The following GDAP1 variants were observed in gnomAD, a reference collection of about 807,000 sequenced individuals.
The protein encoded by GDAP1 is ganglioside induced differentiation associated protein 1, also known as ganglioside-induced differentiation-associated protein 1.
A neutral mutation model predicts 40.1 loss-of-function variants in GDAP1; 34 were observed. The ratio of observed to expected loss-of-function variants is 0.85; its 90% CI spans 0.64 to 1.13. The LOEUF (loss-of-function observed/expected upper bound fraction) is 1.13, where lower values mean the gene tolerates loss of function less well. Among genes scored for constraint, GDAP1 ranks in the 50% most tolerant of loss-of-function variants. GDAP1 has a pLI of 0.00. For synonymous variants in GDAP1, 170 were observed against 157.4 expected (o/e 1.08, Z -0.60); for missense variants, 374 against 433.7 (o/e 0.86, Z 1.22).
At chr8:74,395,880 A>G (rs938328017) in intron 2 of GDAP1, among the ~76,000 whole-genome samples, 22 of 152,342 alleles carry the variant, frequency 1.4e-4, no homozygotes, top group Non-Finnish European at 2.6e-4. Context: ...AATGGGTTAA[A>G]AGAACTAAAA....
chr8:74,351,544 T>C, intron 2 of GDAP1, 78 bp downstream of exon 2: 2 of 1,039,704 alleles, frequency 1.9e-6, no homozygotes, highest in South Asian at 1.3e-5. Flanking sequence ...TTTCTCTCTC[T>C]CCTCTCTCTC....
intron 2 of GDAP1, among the ~76,000 whole-genome samples, chr8:74,355,393 A>G (rs1333495100): frequency 1.3e-5 from 2 of 152,258 alleles, no homozygotes; most frequent in African/African-American, 4.8e-5. Context: ...ATTTCTTTCT[A>G]TAAGTTTGCT....
chr8:74,457,874 C>G (rs1806355195), intron 2 of GDAP1, among the ~76,000 whole-genome samples: 1 of 152,080 alleles, frequency 6.6e-6, no homozygotes. Context: ...TTAGTCTCTT[C>G]ATATTTATTT....
chr8:74,469,425 T>C (rs1806515359), intron 2 of GDAP1, among the ~76,000 whole-genome samples: 1 of 152,142 alleles, frequency 6.6e-6, no homozygotes, highest in South Asian at 2.1e-4. Context: ...TCCCAGCACT[T>C]TGGGAGGCCG....
In GDAP1 at chr8:74,460,676, TA is replaced by T. The variant is rs2131579767; in HGVS notation, c.166-28000del. ...AAGTTCCTGCAGGGGCCTGAGGAGT[TA>T]ATCCAGGAAGAAATGAGCTATGGAA... On this transcript the variant is annotated intron_variant, in intron 2 of 2. Transcript: ENST00000523640. Among the ~76,000 whole-genome samples the T allele has an allele frequency of 1.3e-5, 2 of 152,266 alleles. 1 individual carries two copies. The highest frequency in any genetic ancestry group is 4.1e-4 in the South Asian group (2 of 4,828).
chr8:74,400,328 CT>C (rs1554551896), intron 2 of GDAP1, among the ~76,000 whole-genome samples: 13 of 149,766 alleles, frequency 8.7e-5, no homozygotes, highest in South Asian at 2.1e-4. Context: ...CTCTTTCGAT[CT>C]TTGTTGGATT....
chr8:74,386,806 C>T (rs987447831), intron 2 of GDAP1, among the ~76,000 whole-genome samples: 7 of 152,300 alleles, frequency 4.6e-5, no homozygotes, highest in South Asian at 2.1e-4. Context: ...ATTGATTCTT[C>T]GTATCCATGA....
chr8:74,393,840 A>G (rs142497327), intron 2 of GDAP1, among the ~76,000 whole-genome samples: 11 of 152,106 alleles, frequency 7.2e-5, no homozygotes, highest in Non-Finnish European at 1.3e-4. Context: ...TTAAGAGCTA[A>G]ATAACTCTAG....
chr8:74,375,216 A>G (rs566181286), intron 2 of GDAP1, among the ~76,000 whole-genome samples: 1 of 152,250 alleles, frequency 6.6e-6, no homozygotes, highest in South Asian at 2.1e-4. Context: ...AATCCGAGCT[A>G]CTTGGGAAAC....
At chr8:74,383,859 A>G (rs1221689933) in intron 2 of GDAP1, among the ~76,000 whole-genome samples, 1 of 152,102 alleles carries the variant, frequency 6.6e-6, no homozygotes, top group Non-Finnish European at 1.5e-5. Flanking sequence ...ACATACACTC[A>G]CAAATATAAC....
chr8:74,457,484 A>C (rs1186158668), intron 2 of GDAP1, among the ~76,000 whole-genome samples: 1 of 152,050 alleles, frequency 6.6e-6, no homozygotes, highest in Non-Finnish European at 1.5e-5. Flanking sequence ...TTCCCTTTAA[A>C]ATTATTTCCT....
At chr8:74,400,439 T>C (rs1324657197) in intron 2 of GDAP1, among the ~76,000 whole-genome samples, 1 of 149,804 alleles carries the variant, frequency 6.7e-6, no homozygotes, top group Non-Finnish European at 1.5e-5. Flanking sequence ...TTTGAGTCTA[T>C]GTGTGTCTCT....
intron 2 of GDAP1, among the ~76,000 whole-genome samples, chr8:74,439,665 A>G (rs1030722473): frequency 2.7e-5 from 4 of 150,518 alleles, no homozygotes; most frequent in Admixed American, 6.6e-5. Context: ...ATTTTTTGCT[A>G]TCTTATATTT....
At chr8:74,439,150 ATCTT>A (rs1157288615) in intron 2 of GDAP1, among the ~76,000 whole-genome samples, 1 of 152,068 alleles carries the variant, frequency 6.6e-6, no homozygotes, top group Non-Finnish European at 1.5e-5. Flanking sequence ...GATTTAAAAT[ATCTT>A]TCTGCACCAA....
intron 2 of GDAP1, among the ~76,000 whole-genome samples, chr8:74,458,933 GACACCCTGC>G (rs1202554705): frequency 6.6e-6 from 1 of 152,092 alleles, no homozygotes; most frequent in Non-Finnish European, 1.5e-5. Flanking sequence ...TGAGCCTCCA[GACACCCTGC>G]TGATATTTCA....
intron 2 of GDAP1, among the ~76,000 whole-genome samples, chr8:74,375,954 A>G (rs577046600): frequency 2.0e-5 from 3 of 152,326 alleles, no homozygotes; most frequent in South Asian, 2.1e-4. Flanking sequence ...ATAAAACTCA[A>G]TTGTTGTATT....
At chr8:74,387,483 T>G (rs1420528865) in intron 2 of GDAP1, among the ~76,000 whole-genome samples, 1 of 152,228 alleles carries the variant, frequency 6.6e-6, no homozygotes, top group African/African-American at 2.4e-5. Flanking sequence ...TGGATCATGT[T>G]TATTGATTTG....
chr8:74,401,275 CT>C (rs924422133), intron 2 of GDAP1, among the ~76,000 whole-genome samples: 11 of 149,110 alleles, frequency 7.4e-5, no homozygotes, highest in African/African-American at 2.3e-4. Context: ...TTTCTCTAAA[CT>C]TCCCTTCTCA....
At chr8:74,425,181 T>A (rs1805931869) in intron 2 of GDAP1, among the ~76,000 whole-genome samples, 1 of 152,212 alleles carries the variant, frequency 6.6e-6, no homozygotes, top group South Asian at 2.1e-4. Flanking sequence ...GAAAACAAAT[T>A]GAACAACACA....
Sources: gnomAD v4.1 joint callset for allele counts (sites outside exome capture counted in the v4.1 genomes callset) on GRCh38, gnomAD v4.1.1 for gene constraint, MANE v1.5 for transcripts, NCBI Gene and HGNC (gene_info 2026-07-23, HGNC 2026-07-21) for gene names.